GALNT1: variants seen among roughly 807,000 people sequenced by gnomAD.
GALNT1 encodes polypeptide N-acetylgalactosaminyltransferase 1, also known as GalNAc transferase 1.
GALNT1 carries 17 observed loss-of-function variants against 65.7 expected under a neutral mutation model. That is an observed-to-expected ratio of 0.26 (90% confidence interval 0.18 to 0.39). GALNT1 has a LOEUF of 0.39. GALNT1 is among the 10% of genes least tolerant of loss of function. GALNT1 has a pLI of 1.00. For synonymous variants in GALNT1, 210 were observed against 219.7 expected (o/e 0.96, Z 0.39); for missense variants, 460 against 672.8 (o/e 0.68, Z 3.50).
intron 1 of GALNT1, among the ~76,000 whole-genome samples, chr18:35,583,658 C>T (rs1231869495): frequency 6.6e-6 from 1 of 152,086 alleles, no homozygotes; most frequent in East Asian, 1.9e-4. Context: ...GTCTGTAGTC[C>T]TAGCTATTCC....
At chr18:35,592,937 G>A (rs1357966482) in intron 1 of GALNT1, among the ~76,000 whole-genome samples, 1 of 152,138 alleles carries the variant, frequency 6.6e-6, no homozygotes, top group Non-Finnish European at 1.5e-5. Context: ...TTACTGGTCT[G>A]CCTACCACCT....
chr18:35,693,881 G>A (rs891032527), intron 9 of GALNT1, among the ~76,000 whole-genome samples: 1 of 152,072 alleles, frequency 6.6e-6, no homozygotes, highest in African/African-American at 2.4e-5. Flanking sequence ...AGAAGACCGA[G>A]GACAATGCCA....
chr18:35,663,113 G>C (rs1226316172), intron 2 of GALNT1, among the ~76,000 whole-genome samples: 3 of 152,182 alleles, frequency 2.0e-5, no homozygotes, highest in Non-Finnish European at 1.5e-5. Context: ...AAGGCAAATA[G>C]GGATTTGGTG....
chr18:35,693,564 G>A (rs1251689661), intron 9 of GALNT1, among the ~76,000 whole-genome samples: 1 of 152,174 alleles, frequency 6.6e-6, no homozygotes, highest in Non-Finnish European at 1.5e-5. Context: ...CTGGTGTATT[G>A]TTGAAGAGAG....
At chr18:35,665,403 A>G (rs1053277300) in intron 3 of GALNT1, among the ~76,000 whole-genome samples, 1 of 152,190 alleles carries the variant, frequency 6.6e-6, no homozygotes, top group East Asian at 1.9e-4. Context: ...CAATATTTTA[A>G]TAATAGGAGT....
intron 2 of GALNT1, among the ~76,000 whole-genome samples, chr18:35,660,863 C>A (rs1242790997): frequency 1.3e-5 from 2 of 152,006 alleles, no homozygotes; most frequent in South Asian, 2.1e-4. Context: ...ATTCAGTAGA[C>A]ATGTAACTTT....
At chr18:35,639,183 G>C (rs1598791892) in intron 1 of GALNT1, among the ~76,000 whole-genome samples, 1 of 152,242 alleles carries the variant, frequency 6.6e-6, no homozygotes, top group East Asian at 1.9e-4. Flanking sequence ...ATGCTGTAGA[G>C]AAATCTTTCA....
upstream of GALNT1, among the ~76,000 whole-genome samples, chr18:35,581,548 C>G (rs2046313925): frequency 7.1e-6 from 1 of 141,640 alleles, no homozygotes; most frequent in Non-Finnish European, 1.6e-5. Flanking sequence ...CGCCCTGCGG[C>G]GCCCGCCGCG....
intron 1 of GALNT1, among the ~76,000 whole-genome samples, chr18:35,584,689 C>T (rs192648261): frequency 5.9e-5 from 9 of 152,308 alleles, no homozygotes; most frequent in South Asian, 2.1e-4. Context: ...GGGATGAAAC[C>T]GTTACACCTC....
chr18:35,625,625 G>A (rs2046907336), intron 1 of GALNT1, among the ~76,000 whole-genome samples: 1 of 152,158 alleles, frequency 6.6e-6, no homozygotes, highest in Non-Finnish European at 1.5e-5. Flanking sequence ...GGAGAGGTTG[G>A]TGTTGTAGCA....
intron 9 of GALNT1, among the ~76,000 whole-genome samples, chr18:35,699,275 A>G (rs2048115740): frequency 6.6e-6 from 1 of 152,244 alleles, no homozygotes; most frequent in Non-Finnish European, 1.5e-5. Flanking sequence ...TTGGTTAAGG[A>G]GAATATCAGG....
At chr18:35,701,680 T>C (rs1203084607) in intron 9 of GALNT1, among the ~76,000 whole-genome samples, 1 of 152,154 alleles carries the variant, frequency 6.6e-6, no homozygotes, top group Non-Finnish European at 1.5e-5. Context: ...AATAGGGATA[T>C]CAGGAAAACG....
chr18:35,629,993 A>G (rs537118878), intron 1 of GALNT1, among the ~76,000 whole-genome samples: 1 of 152,340 alleles, frequency 6.6e-6, no homozygotes, highest in East Asian at 1.9e-4. Context: ...GATCAATTCA[A>G]CAAGAAGAGC....
At chr18:35,635,002 A>T (rs1441910637) in intron 1 of GALNT1, among the ~76,000 whole-genome samples, 1 of 152,206 alleles carries the variant, frequency 6.6e-6, no homozygotes, top group Non-Finnish European at 1.5e-5. Context: ...GGCAAACTAA[A>T]TTATTTAATG....
At chr18:35,604,150 G>A (rs181623117) in intron 1 of GALNT1, among the ~76,000 whole-genome samples, 33 of 151,676 alleles carry the variant, frequency 2.2e-4, no homozygotes, top group Middle Eastern at 6.8e-3. Flanking sequence ...TCAATGTTTC[G>A]CTCCCACTTA....
At chr18:35,674,235 T>C (rs906444384) in intron 3 of GALNT1, among the ~76,000 whole-genome samples, 2 of 152,236 alleles carry the variant, frequency 1.3e-5, no homozygotes, top group Non-Finnish European at 2.9e-5. Flanking sequence ...ATCAACACTG[T>C]ACACTTAGGC....
In GALNT1 at chr18:35,677,603, G is replaced by T; in HGVS notation, c.327G>T (p.Lys109Asn). ...GCTTTGTCTCTAGGTGTAAAACAAA[G>T]GTGTATCCAGATAATCTTCCTACAA... is the stretch of plus-strand genomic sequence containing the variant. ...PDVRLEGCKT[K>N]VYPDNLPTTS... The change falls in exon 4 of 12, where the codon AAG (lysine) becomes AAT (asparagine). Residue 109 changes from lysine to asparagine, a missense_variant. Physicochemically the swap from Lys to Asn is moderately conservative, Grantham distance 94 (BLOSUM62 0). Transcript: ENST00000269195. 1 of 1,611,212 alleles carries T rather than the reference G, an allele frequency of 6.2e-7. No individual in the cohort carries two copies. The highest frequency in any genetic ancestry group is 8.5e-7 in the Non-Finnish European group (1 of 1,178,384).
rs79641095 is a variant in GALNT1, at chr18:35,619,621, C to G, written c.-103-34939C>G. ...GTCTTTCTCATCCATAGTCCAGCGC[C>G]AAGAGACTGTGGGATCATACAGTCT... On this transcript the variant is annotated intron_variant, in intron 1 of 11. Coordinates refer to ENST00000269195, the MANE Select transcript of GALNT1 (RefSeq NM_020474.4). Among the ~76,000 whole-genome samples, 529 of 152,260 alleles carry G rather than the reference C, an allele frequency of 3.5e-3. 22 individuals are homozygous for G. In the East Asian group the frequency reaches 0.092, roughly 26 times the overall value.
At chr18:35,685,236 G>A (rs114536318) in intron 5 of GALNT1, among the ~76,000 whole-genome samples, 14 of 152,168 alleles carry the variant, frequency 9.2e-5, no homozygotes, top group African/African-American at 1.9e-4. Flanking sequence ...ACACGTGCAC[G>A]TATGCGTGTA....
Sources: gnomAD v4.1 joint callset for allele counts (sites outside exome capture counted in the v4.1 genomes callset) on GRCh38, gnomAD v4.1.1 for gene constraint, MANE v1.5 for transcripts, NCBI Gene and HGNC (gene_info 2026-07-23, HGNC 2026-07-21) for gene names.